Variants in SH3BP4 observed in about 807,000 individuals in gnomAD.
SH3BP4 encodes SH3 domain-binding protein 4.
In SH3BP4, 33 loss-of-function variants were observed where a neutral mutation model predicts 65.5. That is an observed-to-expected ratio of 0.50 (90% CI 0.38 to 0.67). The LOEUF is 0.67. Ranked by LOEUF, SH3BP4 falls within the 30% of genes least tolerant of loss-of-function variation. The pLI, the probability that SH3BP4 is intolerant of heterozygous loss-of-function variation, is 0.00. For missense variants in SH3BP4, 1,134 were observed against 1,261.4 expected (o/e 0.90, Z 1.53); for synonymous variants, 552 against 545.5 (o/e 1.01, Z -0.17).
chr2:234,994,006 C>T (rs909255863), intron 1 of SH3BP4, among the ~76,000 whole-genome samples: 25 of 152,198 alleles, frequency 1.6e-4, no homozygotes, highest in South Asian at 4.1e-4. Context: ...TTTTTCGTAG[C>T]GTTCATTGAT....
At chr2:235,050,674 T>TC (rs1696019825) in intron 4 of SH3BP4, among the ~76,000 whole-genome samples, 1 of 151,382 alleles carries the variant, frequency 6.6e-6, no homozygotes, top group Non-Finnish European at 1.5e-5. Flanking sequence ...ATTGTTAGAC[T>TC]CCCCCCAGGT....
intron 4 of SH3BP4, among the ~76,000 whole-genome samples, chr2:235,047,498 A>G (rs529789331): frequency 2.0e-5 from 3 of 152,300 alleles, no homozygotes; most frequent in Non-Finnish European, 4.4e-5. Flanking sequence ...TTGAAAGGGA[A>G]CCCAGCTTTT....
chr2:235,005,610 C>G (rs370032183), intron 2 of SH3BP4, among the ~76,000 whole-genome samples: 1 of 152,184 alleles, frequency 6.6e-6, no homozygotes, highest in African/African-American at 2.4e-5. Flanking sequence ...GCTGAACCCC[C>G]GCCTCCGCCA....
intron 2 of SH3BP4, among the ~76,000 whole-genome samples, chr2:235,011,738 C>G (rs971668059): frequency 1.3e-4 from 20 of 152,254 alleles, no homozygotes; most frequent in African/African-American, 4.3e-4. Flanking sequence ...TCTGATAACT[C>G]TCTGTTTGTC....
intron 1 of SH3BP4, among the ~76,000 whole-genome samples, chr2:234,993,072 AG>A (rs1241441974): frequency 6.6e-6 from 1 of 152,192 alleles, no homozygotes; most frequent in African/African-American, 2.4e-5. Context: ...GTTCCTGTGA[AG>A]GGAGCTGGGT....
At chr2:234,972,054 A>G (rs893603079) in intron 1 of SH3BP4, among the ~76,000 whole-genome samples, 1 of 150,464 alleles carries the variant, frequency 6.6e-6, no homozygotes, top group Non-Finnish European at 1.5e-5. Flanking sequence ...TGACCTCATG[A>G]TCCACCCGTC....
intron 4 of SH3BP4, among the ~76,000 whole-genome samples, chr2:235,050,604 C>T (rs912883750): frequency 1.3e-5 from 2 of 151,958 alleles, no homozygotes; most frequent in Non-Finnish European, 2.9e-5. Context: ...CTAGAAGGAT[C>T]GTGAGTCACC....
At chr2:234,958,614 G>C (rs958936040) in intron 1 of SH3BP4, among the ~76,000 whole-genome samples, 11 of 152,048 alleles carry the variant, frequency 7.2e-5, no homozygotes, top group African/African-American at 1.4e-4. Context: ...GAAGGCTAAG[G>C]GGGAGCCAGT....
chr2:235,044,793 G>T (rs530768701), intron 4 of SH3BP4, among the ~76,000 whole-genome samples: 1 of 152,222 alleles, frequency 6.6e-6, no homozygotes, highest in African/African-American at 2.4e-5. Flanking sequence ...CAGAAGGGAC[G>T]CAGCCCGGCA....
In SH3BP4 at chr2:235,034,138, T is replaced by C. The variant is rs952844922; in HGVS notation, c.-132-733T>C. 1.3e-5 allele frequency among the ~76,000 whole-genome samples: 2 copies of C among 152,074 alleles called. No homozygotes were observed. The highest frequency in any genetic ancestry group is 2.9e-5 in the Non-Finnish European group (2 of 68,014). Reference sequence around the variant, plus strand: ...TTCATATCCAGAACCCCCCACATGCTTCAGTCCTGTCTGTGCGCCCTTCCA... The same window carrying C: ...TTCATATCCAGAACCCCCCACATGCCTCAGTCCTGTCTGTGCGCCCTTCCA... On this transcript the variant is annotated intron_variant, in intron 2 of 5. Transcript: ENST00000392011. This position sits in a 1 kb window ranked among gnomAD's most constrained non-coding sequence, Gnocchi z 6.2.
At chr2:235,005,624 T>C (rs917879780) in intron 2 of SH3BP4, among the ~76,000 whole-genome samples, 6 of 152,186 alleles carry the variant, frequency 3.9e-5, no homozygotes, top group African/African-American at 1.4e-4. Flanking sequence ...TCCGCCACCC[T>C]GCTTAGTTGT....
rs375697541 is a variant in SH3BP4 at position 234,987,512 on chromosome 2, C to T, written c.-206-7791C>T. Among the ~76,000 whole-genome samples, 3 of 152,252 alleles carry T rather than the reference C, an allele frequency of 2.0e-5. No homozygotes were observed. In the East Asian group the frequency reaches 5.8e-4, roughly 29 times the overall value. On this transcript the variant is annotated intron_variant, in intron 1 of 5. Transcript: ENST00000392011. ...GGAGCTGGTGTGAGAAACGTGAACCCACATGTTTGACTTATGACAATCTCC... is the reference window on the plus strand; with the variant it reads ...GGAGCTGGTGTGAGAAACGTGAACCTACATGTTTGACTTATGACAATCTCC...
At chr2:234,975,074 G>A (rs1693129930) in intron 1 of SH3BP4, among the ~76,000 whole-genome samples, 1 of 152,186 alleles carries the variant, frequency 6.6e-6, no homozygotes, top group Non-Finnish European at 1.5e-5. Context: ...GTTGGCTTGC[G>A]ATGTATTTCT....
At chr2:235,049,831 C>T (rs1175086962) in intron 4 of SH3BP4, among the ~76,000 whole-genome samples, 1 of 152,184 alleles carries the variant, frequency 6.6e-6, no homozygotes, top group Non-Finnish European at 1.5e-5. Flanking sequence ...GCATATTTGC[C>T]TCCACGCCTG....
intron 4 of SH3BP4, among the ~76,000 whole-genome samples, chr2:235,050,407 G>A (rs190334807): frequency 4.7e-4 from 71 of 152,044 alleles, no homozygotes; most frequent in African/African-American, 1.6e-3. Flanking sequence ...GTGAGCCACC[G>A]CTCCTGGCCT....
chr2:235,001,297 A>C (rs1694089387), intron 2 of SH3BP4, among the ~76,000 whole-genome samples: 1 of 152,210 alleles, frequency 6.6e-6, no homozygotes, highest in Admixed American at 6.5e-5. Flanking sequence ...AGTTTTCTAA[A>C]GAGAGGGTCC....
chr2:235,038,257 A>AAT (rs1553567282), intron 3 of SH3BP4, among the ~76,000 whole-genome samples: 19 of 43,984 alleles, frequency 4.3e-4, no homozygotes, highest in African/African-American at 1.5e-3. Flanking sequence ...TATTATATAT[A>AAT]ATATATATTA....
rs1695821562 is a variant in SH3BP4 at position 235,045,413 on chromosome 2, C to T, written c.2478+2166C>T. Among the ~76,000 whole-genome samples, 1 of 152,144 alleles carries T rather than the reference C, an allele frequency of 6.6e-6. No individual in the cohort carries two copies. The highest frequency in any genetic ancestry group is 2.4e-5 in the African/African-American group (1 of 41,432). On this transcript the variant is annotated intron_variant, in intron 4 of 5. Coordinates refer to ENST00000392011, the MANE Select transcript of SH3BP4 (RefSeq NM_014521.3). The surrounding 1 kb of genome is among the most constrained non-coding windows in gnomAD (Gnocchi z 4.3). ...AAAGACATAAATGATCAAACTCTCT[C>T]AATTCGATTGGTGAGCATCTCTGGG...
Position 235,041,789 on chromosome 2 carries a change from C to T in SH3BP4, c.1020C>T (p.His340=), listed in dbSNP as rs779262308. ...TTCCTGACACCAGCATCAGCATCCA[C>T]GTGCCCGAGGGCCACGTCGCCCCTG... ...VQLPDTSISI[H]VPEGHVAPGE... Residue 340 remains histidine (H), a synonymous_variant, in exon 4 of 6, where the codon CAC becomes CAT. Coordinates refer to ENST00000392011, the MANE Select transcript of SH3BP4 (RefSeq NM_014521.3). The surrounding 1 kb of genome is among the most constrained non-coding windows in gnomAD (Gnocchi z 6.0). 10 of 1,595,254 alleles carry T rather than the reference C, an allele frequency of 6.3e-6. No homozygotes were observed. Among genetic ancestry groups the T allele is most frequent in the Admixed American group, 3.4e-5 (2 of 58,552 alleles).
Sources: gnomAD v4.1 joint callset for allele counts (sites outside exome capture counted in the v4.1 genomes callset) on GRCh38, gnomAD v4.1.1 for gene constraint, Gnocchi (gnomAD v3.1) non-coding constraint, MANE v1.5 for transcripts, NCBI Gene and HGNC (gene_info 2026-07-23, HGNC 2026-07-21) for gene names.